Variants in LTBP4 observed in about 807,000 individuals in gnomAD.
The protein encoded by LTBP4 is latent-transforming growth factor beta-binding protein 4.
A neutral mutation model predicts 180.2 loss-of-function variants in LTBP4; 93 were observed. The ratio of observed to expected loss-of-function variants is 0.52; its 90% CI spans 0.44 to 0.61. The LOEUF (loss-of-function observed/expected upper bound fraction) is 0.61. Among genes scored for constraint, LTBP4 ranks in the 20% least tolerant of loss-of-function variants. LTBP4 has a pLI of 0.00. For missense variants in LTBP4, 2,116 were observed against 2,256.5 expected, an observed-to-expected ratio of 0.94 and a Z score of 1.26; for synonymous variants, 947 against 934.5, an observed-to-expected ratio of 1.01 and a Z score of -0.24.
intron 29 of LTBP4, 116 bp downstream of exon 29, chr19:40,627,973 A>T: frequency 2.9e-6 from 4 of 1,358,544 alleles, no homozygotes; most frequent in Non-Finnish European, 3.9e-6. Context: ...ACTACAGGGG[A>T]CGGGCCAGCG....
upstream of LTBP4, chr19:40,599,765 TTC>T: frequency 1.7e-6 from 1 of 586,644 alleles, no homozygotes; most frequent in Non-Finnish European, 3.0e-6. Flanking sequence ...TTCTGTCTCT[TTC>T]TGTTTCTTTC....
chr19:40,608,631 G>A (rs1265103542), intron 9 of LTBP4, 28 bp downstream of exon 9: 1 of 1,560,320 alleles, frequency 6.4e-7, no homozygotes, highest in African/African-American at 1.4e-5. Flanking sequence ...GAGGGCATTG[G>A]GCCTGCAGCA....
intron 1 of LTBP4, among the ~76,000 whole-genome samples, chr19:40,594,897 C>T (rs930598381): frequency 1.3e-5 from 2 of 151,220 alleles, no homozygotes; most frequent in African/African-American, 4.9e-5. Context: ...CAGTCCTGCA[C>T]ACCCTCCTGG....
At chr19:40,606,754 C>CT (rs201424692) in intron 6 of LTBP4, among the ~76,000 whole-genome samples, 18 of 149,530 alleles carry the variant, frequency 1.2e-4, no homozygotes, top group Admixed American at 2.0e-4. Context: ...GACTCCCAGA[C>CT]TTTTTTTTTT....
At chr19:40,607,251 G>GCCCCCCCC in intron 6 of LTBP4, 114 bp from the exon 7 acceptor site, 5 of 812,766 alleles carry the variant, frequency 6.2e-6, no homozygotes, top group Non-Finnish European at 5.7e-6. Context: ...AATGCCCCTC[G>GCCCCCCCC]CACCCACCAA....
Position 40,606,616 on chromosome 19 carries a change from C to T in LTBP4, c.991+90C>T, listed in dbSNP as rs530707746. 1.6e-3 allele frequency: 2,250 copies of T among 1,446,918 alleles called. 2 individuals carry two copies. The highest frequency in any genetic ancestry group is 2.0e-3 in the Non-Finnish European group (2,122 of 1,073,410). 89.6% of individuals were successfully genotyped at this position (1,446,918 alleles called of 1,614,324 possible). A position where few individuals can be genotyped will look rare whatever the true frequency, so the allele number is the denominator to read the frequency against. On this transcript the variant is annotated intron_variant, in intron 6 of 29. Coordinates refer to ENST00000396819, the MANE Select transcript of LTBP4 (RefSeq NM_001042545.2). ...TCCTGGGGCCTTTAATTCCCTCGGA[C>T]CCCCCCAGACTCCCGGGTTCCTCTG... is the stretch of plus-strand genomic sequence containing the variant.
chr19:40,601,504 C>A lies in LTBP4; in HGVS notation c.117C>A (p.Val39=), dbSNP rs767793409. ...GERLRVRFTP[V]VCGLRCVHGP... ...GTCTCCGCGTGCGCTTCACCCCGGTCGTGTGCGGCCTGCGCTGCGTCCATG... is the reference window on the plus strand; with the variant it reads ...GTCTCCGCGTGCGCTTCACCCCGGTAGTGTGCGGCCTGCGCTGCGTCCATG... The change falls in exon 1 of 30, where the codon GTC becomes GTA. Residue 39 remains valine, a synonymous_variant. Coordinates refer to ENST00000396819, the MANE Select transcript of LTBP4 (RefSeq NM_001042545.2). 2.1e-5 allele frequency: 31 copies of A among 1,497,892 alleles called. 1 individual carries two copies. The South Asian group carries it at 3.5e-4, about 17-fold the overall frequency. The allele number at this position is 1,497,892 out of a possible 1,614,324, so 92.8% of individuals were successfully genotyped here.
chr19:40,602,866 C>G lies in LTBP4; in HGVS notation c.250+1229C>G, dbSNP rs532085672. ...GAAGGCAGAGAAATGCCTCTGGAGC[C>G]TGGGAAATACCCTCAGACCTGGCTG... is the stretch of plus-strand genomic sequence containing the variant. On this transcript the variant is annotated intron_variant, in intron 1 of 29. Coordinates refer to ENST00000396819, the MANE Select transcript of LTBP4 (RefSeq NM_001042545.2). Among the ~76,000 whole-genome samples the G allele has an allele frequency of 5.6e-4, 86 of 152,300 alleles. 1 individual carries two copies. In the South Asian group the frequency reaches 0.017, roughly 30 times the overall value.
rs1466153326 is a variant in LTBP4 at position 40,605,654 on chromosome 19, T to C, written c.690+2T>C. The C allele has an allele frequency of 1.3e-6, 2 of 1,564,128 alleles. No homozygotes were observed. On this transcript the variant is annotated splice_donor_variant, in intron 3 of 29. Coordinates refer to ENST00000396819, the MANE Select transcript of LTBP4 (RefSeq NM_001042545.2). LOFTEE classifies it high-confidence loss of function. This position sits in a 1 kb window ranked among gnomAD's most constrained non-coding sequence, Gnocchi z 5.5. ...TTTCGGGAGCTGCGCGGAGGCGAAG[T>C]GAGAGGAGGCCCGTGGGGAGGGGCC... is the stretch of plus-strand genomic sequence containing the variant.
intron 1 of LTBP4, among the ~76,000 whole-genome samples, chr19:40,602,069 A>G (rs2081427693): frequency 6.7e-6 from 1 of 149,248 alleles, no homozygotes; most frequent in Non-Finnish European, 1.5e-5. Flanking sequence ...CTGTATGGGA[A>G]TGCCTGTGAG....
chr19:40,606,329 A>G, intron 5 of LTBP4, 22 bp downstream of exon 5: 5 of 1,285,030 alleles, frequency 3.9e-6, no homozygotes, highest in Non-Finnish European at 5.6e-6. Flanking sequence ...CAGGGGTGGG[A>G]GGGGCTTGGT....
Position 40,625,907 on chromosome 19 carries a change from A to C in LTBP4, c.3883A>C (p.Ser1295Arg), listed in dbSNP as rs769714771. Residue 1295 changes from serine to arginine, a missense_variant, in exon 27 of 30, where the codon AGC becomes CGC. Physicochemically the swap from Ser to Arg is moderately radical, Grantham distance 110. Transcript: ENST00000396819. The stretch of plus-strand genomic sequence containing the variant: ...GGAAGTGGGGGCTGACCTCGTGTGC[A>C]GCCACCCTCGGCTGGACCGTCAGGC... ...WQEVGADLVC[S>R]HPRLDRQATY... 1 of 1,601,678 alleles carries C rather than the reference A, an allele frequency of 6.2e-7. No homozygotes were observed. The highest frequency in any genetic ancestry group is 2.3e-5 in the East Asian group (1 of 44,304).
At chr19:40,619,325 C>A in intron 21 of LTBP4, 22 bp from the exon 22 acceptor site, 1 of 1,610,674 alleles carries the variant, frequency 6.2e-7, no homozygotes, top group South Asian at 1.1e-5. Flanking sequence ...AGTCCCTCTC[C>A]CCTGTTGTCT....
Position 40,625,285 on chromosome 19 carries a change from TATATATATATATATATATATATATATA to T in LTBP4, c.3833-571_3833-545del, listed in dbSNP as rs1568414427. Among the ~76,000 whole-genome samples, 35 of 9,260 alleles carry T rather than the reference TATATATATATATATATATATATATATA, an allele frequency of 3.8e-3. 5 individuals are homozygous for T. Among genetic ancestry groups the T allele is most frequent in the Non-Finnish European group, 5.2e-3 (31 of 5,986 alleles). 6.1% of individuals were successfully genotyped at this position (9,260 alleles called of 152,430 possible). On this transcript the variant is annotated intron_variant, in intron 26 of 29. Coordinates refer to ENST00000396819, the MANE Select transcript of LTBP4 (RefSeq NM_001042545.2). ...ATATATATATATATATATATATATATATATATATATATATATATATATATATATATATTTTTTTTTTTAAAGATGGGT... is the reference window on the plus strand; with the variant it reads ...ATATATATATATATATATATATATATTATATTTTTTTTTTTAAAGATGGGT...
upstream of LTBP4, chr19:40,597,378 C>G (rs2081396918): frequency 1.3e-6 from 2 of 1,512,572 alleles, no homozygotes; most frequent in East Asian, 2.6e-5. Context: ...GCCGCCCGGC[C>G]AGGTAAGCCC....
chr19:40,622,124 G>A lies in LTBP4; in HGVS notation c.3218-277G>A, dbSNP rs2081590159. 6.6e-6 allele frequency among the ~76,000 whole-genome samples: 1 copy of A among 152,176 alleles called. No homozygotes were observed. The highest frequency in any genetic ancestry group is 1.9e-4 in the East Asian group (1 of 5,196). ...ATAAGAGACCCAGAGAGGCATCCAGGAAGCCAGGGAAGTTCCCTCACCACC... is the reference window on the plus strand; with the variant it reads ...ATAAGAGACCCAGAGAGGCATCCAGAAAGCCAGGGAAGTTCCCTCACCACC... On this transcript the variant is annotated intron_variant, in intron 22 of 29. Transcript: ENST00000396819. The surrounding 1 kb of genome is among the most constrained non-coding windows in gnomAD (Gnocchi z 5.1).
upstream of LTBP4, chr19:40,599,264 T>C: frequency 1.9e-6 from 3 of 1,613,850 alleles, no homozygotes; most frequent in Non-Finnish European, 2.5e-6. Flanking sequence ...AGGTGGGTTC[T>C]GGAAGATGGA....
At chr19:40,610,918 G>A (rs1332408118) in intron 12 of LTBP4, 4 of 719,442 alleles carry the variant, frequency 5.6e-6, no homozygotes, top group African/African-American at 1.8e-5. Context: ...TCGGGTAAGG[G>A]GAGCAGAGTT....
In LTBP4 at chr19:40,622,910, G is replaced by A. The variant is rs1319818674; in HGVS notation, c.3485-40G>A. ...CACGAGCAGGTCAGGGCTGGGGCTG[G>A]GGCTCTGGTGTCCTGGCTCAGGCTT... On this transcript the variant is annotated intron_variant, in intron 23 of 29. Transcript: ENST00000396819. This position sits in a 1 kb window ranked among gnomAD's most constrained non-coding sequence, Gnocchi z 5.1. 6.2e-7 allele frequency: 1 copy of A among 1,600,184 alleles called. No homozygotes were observed. Among genetic ancestry groups the A allele is most frequent in the Non-Finnish European group, 8.5e-7 (1 of 1,170,472 alleles).
Sources: allele counts gnomAD v4.1 joint callset (sites outside exome capture counted in the v4.1 genomes callset), GRCh38; gene constraint gnomAD v4.1.1; non-coding constraint Gnocchi (gnomAD v3.1); transcripts MANE v1.5; gene names NCBI Gene and HGNC (gene_info 2026-07-23, HGNC 2026-07-21).